Variants in MARCHF1 observed in about 807,000 individuals in gnomAD.
MARCHF1 encodes the protein E3 ubiquitin-protein ligase MARCHF1.
A neutral mutation model predicts 54.2 loss-of-function variants in MARCHF1; 40 were observed. The ratio of observed to expected loss-of-function variants is 0.74; its 90% confidence interval spans 0.57 to 0.96. MARCHF1 has a LOEUF of 0.96. Among genes scored for constraint, MARCHF1 ranks in the 40% least tolerant of loss-of-function variants. MARCHF1 has a pLI of 0.00. For synonymous variants in MARCHF1, 236 were observed against 236.3 expected (o/e 1.00, Z 0.01); for missense variants, 586 against 656.5 (o/e 0.89, Z 1.17).
chr4:163,740,506 A>C (rs927684108), intron 4 of MARCHF1, among the ~76,000 whole-genome samples: 5 of 152,160 alleles, frequency 3.3e-5, no homozygotes, highest in Admixed American at 6.5e-5. Context: ...ACCACTGAGC[A>C]ATAGGGTACA....
chr4:163,943,075 A>G (rs554620071), intron 3 of MARCHF1, among the ~76,000 whole-genome samples: 1 of 152,294 alleles, frequency 6.6e-6, no homozygotes, highest in East Asian at 1.9e-4. Context: ...TAAGTTCCTT[A>G]TAATTGCTGG....
At chr4:163,647,930 G>A (rs1456718400) in intron 5 of MARCHF1, among the ~76,000 whole-genome samples, 1 of 150,566 alleles carries the variant, frequency 6.6e-6, no homozygotes, top group Non-Finnish European at 1.5e-5. Flanking sequence ...AATAATTGTT[G>A]GAAAAAAATA....
chr4:163,759,331 A>C (rs747957260), intron 4 of MARCHF1, among the ~76,000 whole-genome samples: 1 of 152,186 alleles, frequency 6.6e-6, no homozygotes, highest in African/African-American at 2.4e-5. Flanking sequence ...TAATCTTCCA[A>C]AAGGTACATG....
chr4:163,608,248 G>A (rs1442960985), intron 7 of MARCHF1, among the ~76,000 whole-genome samples: 2 of 152,066 alleles, frequency 1.3e-5, no homozygotes, highest in East Asian at 1.9e-4. Context: ...TGTTCCTAAA[G>A]AAATGGCATT....
chr4:164,249,381 C>T (rs192856137), intron 1 of MARCHF1, among the ~76,000 whole-genome samples: 1 of 151,912 alleles, frequency 6.6e-6, no homozygotes, highest in African/African-American at 2.4e-5. Context: ...GGCCCTGAGG[C>T]AGAGAGGAGC....
chr4:164,332,582 A>G (rs1212570253), intron 1 of MARCHF1, among the ~76,000 whole-genome samples: 1 of 151,796 alleles, frequency 6.6e-6, no homozygotes, highest in Admixed American at 6.6e-5. Context: ...TGGGTTCCTG[A>G]GAACAGGGTG....
chr4:164,159,014 G>T (rs1471812291), intron 1 of MARCHF1, among the ~76,000 whole-genome samples: 2 of 152,198 alleles, frequency 1.3e-5, no homozygotes, highest in Admixed American at 6.6e-5. Flanking sequence ...GTGTGCTTGA[G>T]ATTCCAGTAA....
At chr4:163,672,829 T>G (rs1464420684) in intron 5 of MARCHF1, among the ~76,000 whole-genome samples, 1 of 152,174 alleles carries the variant, frequency 6.6e-6, no homozygotes, top group African/African-American at 2.4e-5. Flanking sequence ...TCTTGACGTT[T>G]CCTGCATCCC....
intron 3 of MARCHF1, among the ~76,000 whole-genome samples, chr4:163,941,234 A>T (rs1751906052): frequency 6.6e-6 from 1 of 152,090 alleles, no homozygotes; most frequent in African/African-American, 2.4e-5. Flanking sequence ...AAACACTGTA[A>T]GCTTTAAGAG....
intron 3 of MARCHF1, among the ~76,000 whole-genome samples, chr4:163,940,160 C>T (rs1207728137): frequency 6.6e-6 from 1 of 152,104 alleles, no homozygotes; most frequent in African/African-American, 2.4e-5. Context: ...GACACCAAAT[C>T]AACTAGTGTC....
intron 5 of MARCHF1, among the ~76,000 whole-genome samples, chr4:163,643,294 C>G (rs1321227955): frequency 7.4e-6 from 1 of 135,864 alleles, no homozygotes; most frequent in Admixed American, 7.5e-5. Flanking sequence ...CACCACTGCA[C>G]TCCAGTATGA....
At chr4:164,356,518 A>G (rs1291053103) in intron 1 of MARCHF1, among the ~76,000 whole-genome samples, 2 of 126,518 alleles carry the variant, frequency 1.6e-5, no homozygotes, top group Non-Finnish European at 3.6e-5. Flanking sequence ...TCTCAAGAAC[A>G]AAAAACCAAA....
intron 2 of MARCHF1, among the ~76,000 whole-genome samples, chr4:164,085,905 T>C (rs558008249): frequency 2.0e-5 from 3 of 151,856 alleles, no homozygotes; most frequent in Admixed American, 2.0e-4. Flanking sequence ...ATTTGAATTA[T>C]GAAAAAATAA....
At chr4:164,360,335 G>A (rs1730688111) in intron 1 of MARCHF1, among the ~76,000 whole-genome samples, 1 of 152,198 alleles carries the variant, frequency 6.6e-6, no homozygotes, top group African/African-American at 2.4e-5. Context: ...AGTGAAGAAG[G>A]GGAATTCTAG....
At chr4:164,269,141 C>T (rs1290272672) in intron 1 of MARCHF1, among the ~76,000 whole-genome samples, 1 of 152,090 alleles carries the variant, frequency 6.6e-6, no homozygotes, top group Non-Finnish European at 1.5e-5. Context: ...TTACATCAGA[C>T]CCAAAGCAAA....
intron 4 of MARCHF1, among the ~76,000 whole-genome samples, chr4:163,769,435 G>A (rs1294187724): frequency 1.9e-4 from 29 of 152,104 alleles, no homozygotes; most frequent in Non-Finnish European, 7.4e-5. Flanking sequence ...ATATATTAAT[G>A]TATTTAATCT....
At chr4:163,772,900 G>A (rs570428147) in intron 4 of MARCHF1, among the ~76,000 whole-genome samples, 2 of 152,252 alleles carry the variant, frequency 1.3e-5, no homozygotes, top group South Asian at 4.1e-4. Flanking sequence ...TCAAGTGGAA[G>A]GAAAATCCCT....
At chr4:164,328,391 A>C (rs1173617510) in intron 1 of MARCHF1, among the ~76,000 whole-genome samples, 1 of 152,196 alleles carries the variant, frequency 6.6e-6, no homozygotes, top group Admixed American at 6.5e-5. Context: ...TTAAAGCAAG[A>C]ATGTATTCAC....
At chr4:164,329,192 T>C (rs374110585) in intron 1 of MARCHF1, among the ~76,000 whole-genome samples, 15 of 152,314 alleles carry the variant, frequency 9.8e-5, no homozygotes, top group East Asian at 1.9e-4. Flanking sequence ...ACAGATGCAC[T>C]TTGGCAAAAG....
Sources: gnomAD v4.1 joint callset for allele counts (sites outside exome capture counted in the v4.1 genomes callset) on GRCh38, gnomAD v4.1.1 for gene constraint, MANE v1.5 for transcripts, NCBI Gene and HGNC (gene_info 2026-07-23, HGNC 2026-07-21) for gene names.